Variants in KIF5C observed in about 807,000 individuals in gnomAD.
KIF5C encodes kinesin family member 5C, also known as kinesin heavy chain isoform 5C.
In KIF5C, 18 loss-of-function variants were observed where a neutral mutation model predicts 125.2. The observed-to-expected ratio is 0.14, with a 90% confidence interval of 0.10 to 0.21. The LOEUF is 0.21. Among genes scored for constraint, KIF5C ranks in the 10% least tolerant of loss-of-function variants. KIF5C has a pLI of 1.00. For missense variants in KIF5C, 780 were observed against 1,183.8 expected (o/e 0.66, Z 5.01); for synonymous variants, 405 against 434.0 (o/e 0.93, Z 0.83).
intron 1 of KIF5C, among the ~76,000 whole-genome samples, chr2:148,896,312 C>T (rs1422258615): frequency 6.6e-6 from 1 of 152,168 alleles, no homozygotes; most frequent in East Asian, 1.9e-4. Flanking sequence ...AGCCTGCAAA[C>T]AAAGGAGTAG....
rs1425633172 is a variant in KIF5C, at chr2:149,024,519, T to C, written c.*1449T>C. 8 of 6,838 alleles carry C rather than the reference T, an allele frequency of 1.2e-3. No individual in the cohort carries two copies. The East Asian group carries it at 0.017, about 14-fold the overall frequency. 0.4% of individuals were successfully genotyped at this position (6,838 alleles called of 1,614,324 possible). On this transcript the variant is annotated 3_prime_UTR_variant, in exon 26 of 26. Coordinates refer to ENST00000435030, the MANE Select transcript of KIF5C (RefSeq NM_004522.3). The stretch of plus-strand genomic sequence containing the variant: ...GTGTGGGTCGAAGGTAGCTCAAGTG[T>C]GTGTGTGTGTGTGTGTGTGTGTGTG...
At chr2:148,942,105 A>G in intron 6 of KIF5C, 115 bp downstream of exon 6, 2 of 1,170,270 alleles carry the variant, frequency 1.7e-6, no homozygotes, top group South Asian at 1.6e-5. Context: ...GCATTTATTC[A>G]GGCTCCTTAT....
chr2:149,009,138 C>T (rs555704414), intron 23 of KIF5C, among the ~76,000 whole-genome samples: 65 of 151,244 alleles, frequency 4.3e-4, no homozygotes, highest in South Asian at 1.3e-3. Context: ...TACAGGTGCG[C>T]GCCACCACTC....
chr2:149,006,586 G>A (rs1682016924), intron 22 of KIF5C, among the ~76,000 whole-genome samples: 1 of 152,232 alleles, frequency 6.6e-6, no homozygotes. Context: ...CTGAGCAGTG[G>A]TGTTGGTGTT....
intron 21 of KIF5C, 92 bp downstream of exon 21, chr2:149,000,874 C>A: frequency 6.3e-7 from 1 of 1,577,960 alleles, no homozygotes; most frequent in Non-Finnish European, 8.6e-7. Flanking sequence ...TCCATGCACA[C>A]CTTTCTGTGT....
chr2:149,007,089 C>T (rs1682031173), intron 22 of KIF5C, among the ~76,000 whole-genome samples: 1 of 152,198 alleles, frequency 6.6e-6, no homozygotes, highest in East Asian at 1.9e-4. Flanking sequence ...ATACCCCACC[C>T]CAGGTCCACT....
intron 1 of KIF5C, chr2:148,888,936 T>G (rs546391324): frequency 6.6e-6 from 1 of 152,342 alleles, no homozygotes; most frequent in African/African-American, 2.4e-5. Flanking sequence ...ATTGGGCTGA[T>G]AGGTCACAGT....
intron 15 of KIF5C, 32 bp downstream of exon 15, chr2:148,983,798 T>G (rs1426776660): frequency 6.4e-7 from 1 of 1,560,212 alleles, no homozygotes; most frequent in South Asian, 1.2e-5. Context: ...CCTCTCTACC[T>G]GCTCCTGTCA....
rs550206545 is a variant in KIF5C at position 149,008,548 on chromosome 2, G to A, written c.2550+481G>A. On this transcript the variant is annotated intron_variant, in intron 23 of 25. Transcript: ENST00000435030. ...CTGGAACCAGCACCCTCTCTGCTCA[G>A]CTGCCCATTCCTAGCGATCTCAGAT... 9.2e-5 allele frequency among the ~76,000 whole-genome samples: 14 copies of A among 152,332 alleles called. 1 individual carries two copies. In the South Asian group the frequency reaches 2.9e-3, roughly 32 times the overall value.
chr2:148,895,538 T>TA (rs1490542406), intron 1 of KIF5C, among the ~76,000 whole-genome samples: 2 of 152,244 alleles, frequency 1.3e-5, no homozygotes, highest in Non-Finnish European at 2.9e-5. Context: ...AAAATATTTA[T>TA]AAAAATACTG....
chr2:148,923,437 T>C (rs1291163018), intron 2 of KIF5C, among the ~76,000 whole-genome samples: 1 of 152,174 alleles, frequency 6.6e-6, no homozygotes, highest in Non-Finnish European at 1.5e-5. Context: ...TATGACTGAA[T>C]TCGAGCTCTT....
intron 1 of KIF5C, among the ~76,000 whole-genome samples, chr2:148,887,346 T>C (rs1237952276): frequency 2.6e-5 from 4 of 152,066 alleles, no homozygotes; most frequent in African/African-American, 9.7e-5. Context: ...GGCTCTAACA[T>C]TTAGATGTGA....
intron 13 of KIF5C, among the ~76,000 whole-genome samples, chr2:148,979,297 T>C (rs761943716): frequency 9.2e-5 from 14 of 152,168 alleles, no homozygotes; most frequent in Non-Finnish European, 1.9e-4. Context: ...TTATTTTTAT[T>C]TTTTTGAGAC....
intron 11 of KIF5C, among the ~76,000 whole-genome samples, chr2:148,972,790 T>G (rs941903474): frequency 2.6e-5 from 4 of 152,228 alleles, no homozygotes; most frequent in African/African-American, 4.8e-5. Context: ...GCAGCTCTAG[T>G]CTTGGATCCA....
At chr2:148,991,223 T>C (rs374119233) in intron 16 of KIF5C, 25 bp downstream of exon 16, 1 of 1,608,616 alleles carries the variant, frequency 6.2e-7, no homozygotes, top group African/African-American at 1.3e-5. Context: ...TCCCCATCAT[T>C]GCACTCTTGT....
At chr2:148,893,902 C>G (rs570470071) in intron 1 of KIF5C, among the ~76,000 whole-genome samples, 10 of 152,196 alleles carry the variant, frequency 6.6e-5, no homozygotes, top group Admixed American at 5.9e-4. Context: ...CGTCTTTGGA[C>G]CAAACTGCAA....
intron 2 of KIF5C, among the ~76,000 whole-genome samples, chr2:148,925,879 C>CCCT (rs1218501808): frequency 6.6e-6 from 1 of 152,228 alleles, no homozygotes; most frequent in Non-Finnish European, 1.5e-5. Context: ...ATGCAGCATG[C>CCCT]CCTTGCCTGG....
At chr2:148,896,889 G>A (rs1319436488) in intron 1 of KIF5C, among the ~76,000 whole-genome samples, 1 of 152,020 alleles carries the variant, frequency 6.6e-6, no homozygotes, top group African/African-American at 2.4e-5. Flanking sequence ...GGAGTGCAGT[G>A]GTGTGATCTC....
chr2:148,956,108 A>G (rs1204464556), intron 10 of KIF5C, among the ~76,000 whole-genome samples: 9 of 152,318 alleles, frequency 5.9e-5, no homozygotes, highest in Middle Eastern at 3.4e-3. Flanking sequence ...CAGTGGTTCT[A>G]GGTCTTCTCC....
Sources: gnomAD v4.1 joint callset for allele counts (sites outside exome capture counted in the v4.1 genomes callset) on GRCh38, gnomAD v4.1.1 for gene constraint, MANE v1.5 for transcripts, NCBI Gene and HGNC (gene_info 2026-07-23, HGNC 2026-07-21) for gene names.